The following MYCBP2 variants were observed in gnomAD, a reference collection of about 807,000 sequenced individuals.
MYCBP2 encodes the protein MYC binding protein 2.
Under a neutral mutation model 525.3 loss-of-function variants are expected in MYCBP2, and 120 were observed. The observed-to-expected ratio is 0.23, with a 90% CI of 0.20 to 0.27. The LOEUF (loss-of-function observed/expected upper bound fraction) is 0.27. Among genes scored for constraint, MYCBP2 ranks in the 10% least tolerant of loss-of-function variants. The probability of loss-of-function intolerance (pLI) is 1.00; values close to 1 mark genes in which losing one functional copy is unlikely to be tolerated. For synonymous variants in MYCBP2, 1,894 were observed against 1,955.8 expected, an observed-to-expected ratio of 0.97 and a Z score of 0.83; for missense variants, 4,149 against 5,657.1, an observed-to-expected ratio of 0.73 and a Z score of 8.55.
chr13:77,097,108 T>C (rs1404168664), intron 56 of MYCBP2, among the ~76,000 whole-genome samples: 1 of 152,198 alleles, frequency 6.6e-6, no homozygotes, highest in East Asian at 1.9e-4. Flanking sequence ...GACACATTAA[T>C]GGCACACCCT....
chr13:77,189,070 A>C (rs545228411), intron 29 of MYCBP2, 23 bp from the exon 30 acceptor site: 1 of 1,521,510 alleles, frequency 6.6e-7, no homozygotes, highest in South Asian at 1.2e-5. Context: ...GACACATATA[A>C]AATTATGTTA....
chr13:77,203,753 C>T (rs1432529449), intron 26 of MYCBP2, among the ~76,000 whole-genome samples: 2 of 152,112 alleles, frequency 1.3e-5, no homozygotes, highest in East Asian at 1.9e-4. Flanking sequence ...ATATCTACAA[C>T]TATCTGATCT....
intron 49 of MYCBP2, among the ~76,000 whole-genome samples, chr13:77,142,768 T>C (rs2054892949): frequency 6.6e-6 from 1 of 152,164 alleles, no homozygotes; most frequent in Admixed American, 6.5e-5. Flanking sequence ...AAATCCAAAA[T>C]GATCTAAAAT....
chr13:77,090,426 TGCA>T (rs2045197411), intron 59 of MYCBP2, 163 bp from the exon 60 acceptor site: 1 of 485,940 alleles, frequency 2.1e-6, no homozygotes, highest in Non-Finnish European at 3.5e-6. Flanking sequence ...TCTTTTCAAA[TGCA>T]GTAACATTTT....
intron 69 of MYCBP2, 39 bp downstream of exon 69, chr13:77,070,592 A>T: frequency 7.0e-7 from 1 of 1,437,210 alleles, no homozygotes; most frequent in Non-Finnish European, 9.8e-7. Context: ...ACACACACAC[A>T]CAAAACTAAT....
chr13:77,216,720 G>A (rs1371863147), intron 21 of MYCBP2, among the ~76,000 whole-genome samples: 1 of 152,028 alleles, frequency 6.6e-6, no homozygotes. Context: ...TGTTATAATA[G>A]ACAATACATA....
intron 8 of MYCBP2, among the ~76,000 whole-genome samples, chr13:77,264,339 T>C (rs907117609): frequency 6.6e-6 from 1 of 152,064 alleles, no homozygotes; most frequent in Non-Finnish European, 1.5e-5. Context: ...TACAATCACA[T>C]GCAATGGAGG....
intron 46 of MYCBP2, among the ~76,000 whole-genome samples, chr13:77,153,029 T>C (rs1013211292): frequency 4.3e-5 from 6 of 139,846 alleles, no homozygotes; most frequent in Admixed American, 7.6e-5. Context: ...CGTGCCACTG[T>C]ACTCCAGCCT....
At chr13:77,236,866 CT>C (rs1166656007) in intron 17 of MYCBP2, among the ~76,000 whole-genome samples, 1 of 151,080 alleles carries the variant, frequency 6.6e-6, no homozygotes. Context: ...GATCCTGCCT[CT>C]ACAAAAAATA....
chr13:77,064,551 C>T, intron 73 of MYCBP2, 64 bp downstream of exon 73: 1 of 1,481,334 alleles, frequency 6.8e-7, no homozygotes, highest in East Asian at 2.5e-5. Context: ...AAATCTATTA[C>T]TAAAAAAGAA....
At chr13:77,056,763 T>C (rs2038168851) in intron 79 of MYCBP2, among the ~76,000 whole-genome samples, 1 of 152,210 alleles carries the variant, frequency 6.6e-6, no homozygotes, top group Non-Finnish European at 1.5e-5. Context: ...CTTTCTCATG[T>C]AATATGTTTA....
chr13:77,118,653 C>A, intron 55 of MYCBP2: 5 of 528,592 alleles, frequency 9.5e-6, no homozygotes, highest in South Asian at 5.4e-5. Flanking sequence ...TAATCATCCT[C>A]AGATTAGGGA....
chr13:77,077,559 A>G (rs959040670), intron 66 of MYCBP2, 172 bp from the exon 67 acceptor site: 55 of 725,462 alleles, frequency 7.6e-5, no homozygotes, highest in Non-Finnish European at 1.0e-4. Context: ...GATAAGTAAT[A>G]TTATTTATAG....
chr13:77,164,755 C>T (rs1326379628), intron 42 of MYCBP2, among the ~76,000 whole-genome samples: 2 of 152,214 alleles, frequency 1.3e-5, no homozygotes, highest in African/African-American at 4.8e-5. Context: ...GTTCAAATAA[C>T]TGTTCATTCA....
At chr13:77,061,897 A>G (rs2039363928) in intron 74 of MYCBP2, 107 bp from the exon 75 acceptor site, 1 of 1,182,988 alleles carries the variant, frequency 8.5e-7, no homozygotes, top group Non-Finnish European at 1.1e-6. Context: ...TCGGAAGTCT[A>G]TTAAGAATTT....
At position 77,171,621 on chromosome 13, in the gene MYCBP2, C is replaced by T. The variant is rs757237112; in HGVS notation, c.5665G>A (p.Gly1889Arg). 5 of 1,613,998 alleles carry T rather than the reference C, an allele frequency of 3.1e-6. No individual in the cohort carries two copies. The highest frequency in any genetic ancestry group is 4.2e-6 in the Non-Finnish European group (5 of 1,179,930). Residue 1889 changes from glycine to arginine, a missense_variant, in exon 38 of 83, where the codon GGA (glycine) becomes AGA (arginine). Coordinates refer to ENST00000544440, the MANE Select transcript of MYCBP2 (RefSeq NM_015057.5). ...CTCAGAAGTTGGGATTGTAAATCTC[C>T]ATCAAATTCACTCCTGTAGCATGAG... ...QILYYRSEFD[G>R]DLQSQLLSKA... is the part of the protein sequence containing the mutation.
intron 33 of MYCBP2, among the ~76,000 whole-genome samples, chr13:77,180,835 G>GT (rs2154247140): frequency 6.6e-6 from 1 of 152,296 alleles, no homozygotes; most frequent in Admixed American, 6.5e-5. Flanking sequence ...TGGGAAGATC[G>GT]TTTGAGTCCA....
chr13:77,075,788 A>G (rs2042188143), intron 68 of MYCBP2: 1 of 152,174 alleles, frequency 6.6e-6, no homozygotes, highest in African/African-American at 2.4e-5. Context: ...CTAAAATTCA[A>G]TTGACTTAAC....
In MYCBP2 at chr13:77,044,830, T is replaced by C. The variant is rs1213445274; in HGVS notation, c.*548A>G. The C allele has an allele frequency of 7.5e-6, 3 of 398,880 alleles. No individual in the cohort carries two copies. Among genetic ancestry groups the C allele is most frequent in the Non-Finnish European group, 4.4e-6 (1 of 226,018 alleles). 24.7% of individuals were successfully genotyped at this position (398,880 alleles called of 1,614,324 possible). ...TGCATTTGTAATTTAGTAATTCTTA[T>C]ACAGGACAAACATTGATATGTTTAT... is the stretch of plus-strand genomic sequence containing the variant. On this transcript the variant is annotated 3_prime_UTR_variant, in exon 83 of 83. Transcript: ENST00000544440.
Sources: allele counts gnomAD v4.1 joint callset (sites outside exome capture counted in the v4.1 genomes callset), GRCh38; gene constraint gnomAD v4.1.1; transcripts MANE v1.5; gene names NCBI Gene and HGNC (gene_info 2026-07-23, HGNC 2026-07-21).